Variants in EDIL3 observed in about 807,000 individuals in gnomAD.
EDIL3 encodes EGF-like repeat and discoidin I-like domain-containing protein 3.
A neutral mutation model predicts 67.4 loss-of-function variants in EDIL3; 37 were observed. The observed-to-expected ratio is 0.55, with a 90% CI of 0.42 to 0.72. The LOEUF is 0.72. Ranked by LOEUF, EDIL3 falls within the 30% of genes least tolerant of loss-of-function variation. EDIL3 has a pLI of 0.00. For synonymous variants in EDIL3, 195 were observed against 196.3 expected (o/e 0.99, Z 0.05); for missense variants, 527 against 586.3 (o/e 0.90, Z 1.04).
chr5:84,126,445 G>A (rs1244300217), intron 5 of EDIL3, among the ~76,000 whole-genome samples: 4 of 151,954 alleles, frequency 2.6e-5, no homozygotes, highest in South Asian at 2.1e-4. Context: ...GAAATTGAAG[G>A]CAATCATCAA....
intron 5 of EDIL3, among the ~76,000 whole-genome samples, chr5:84,111,049 G>C (rs897349553): frequency 6.6e-6 from 1 of 152,198 alleles, no homozygotes; most frequent in East Asian, 1.9e-4. Flanking sequence ...ATAATGGTGA[G>C]TTCTCATGAG....
At chr5:84,292,267 G>C (rs1003075002) in intron 1 of EDIL3, among the ~76,000 whole-genome samples, 2 of 151,830 alleles carry the variant, frequency 1.3e-5, no homozygotes, top group Non-Finnish European at 2.9e-5. Flanking sequence ...ACAATAATTG[G>C]AAATATCAAT....
intron 4 of EDIL3, among the ~76,000 whole-genome samples, chr5:84,143,777 A>G (rs1748246022): frequency 6.6e-6 from 1 of 152,056 alleles, no homozygotes; most frequent in African/African-American, 2.4e-5. Context: ...GAGGCCAGTA[A>G]GAACAGATGC....
At chr5:84,242,502 G>A (rs1445754301) in intron 2 of EDIL3, among the ~76,000 whole-genome samples, 1 of 152,084 alleles carries the variant, frequency 6.6e-6, no homozygotes, top group Non-Finnish European at 1.5e-5. Flanking sequence ...ACTGGAATTA[G>A]AAGTATTATT....
At chr5:84,091,542 C>T (rs1335218509) in intron 6 of EDIL3, among the ~76,000 whole-genome samples, 1 of 152,182 alleles carries the variant, frequency 6.6e-6, no homozygotes, top group African/African-American at 2.4e-5. Context: ...AATCAGACCA[C>T]GTGGCTTAGT....
chr5:84,169,967 T>C (rs1339000556), intron 4 of EDIL3, among the ~76,000 whole-genome samples: 2 of 152,186 alleles, frequency 1.3e-5, no homozygotes, highest in Non-Finnish European at 2.9e-5. Flanking sequence ...CATCTTTTTC[T>C]CCATTAATGA....
intron 1 of EDIL3, among the ~76,000 whole-genome samples, chr5:84,299,970 T>C (rs1489080246): frequency 6.6e-6 from 1 of 152,244 alleles, no homozygotes; most frequent in Non-Finnish European, 1.5e-5. Context: ...CCATGTCTAG[T>C]CTGAATTTAC....
At chr5:84,360,511 C>T (rs305647) in intron 1 of EDIL3, among the ~76,000 whole-genome samples, 146,287 of 152,256 alleles carry the variant, frequency 0.96, 70,427 homozygotes, top group African/African-American at 0.99. Context: ...AAAAAGTGAG[C>T]AAACAAATTG....
chr5:84,237,345 G>A (rs944767122), intron 2 of EDIL3, among the ~76,000 whole-genome samples: 3 of 152,174 alleles, frequency 2.0e-5, no homozygotes, highest in East Asian at 3.9e-4. Context: ...CAGAATCATT[G>A]CACATAAAAT....
chr5:84,088,498 T>C (rs1166269427), intron 6 of EDIL3, among the ~76,000 whole-genome samples: 1 of 152,202 alleles, frequency 6.6e-6, no homozygotes, highest in Non-Finnish European at 1.5e-5. Flanking sequence ...AAAAGTAAGA[T>C]AAAAATATTC....
Position 84,359,928 on chromosome 5 carries a change from T to A in EDIL3, c.67+24380A>T, listed in dbSNP as rs370530776. The stretch of plus-strand genomic sequence containing the variant: ...ATGAATAAATTCACTAGAATTCTCA[T>A]GTCTCTTTTCATATCCTTAAAGATT... On this transcript the variant is annotated intron_variant, in intron 1 of 10. Coordinates refer to ENST00000296591, the MANE Select transcript of EDIL3 (RefSeq NM_005711.5). 5.6e-4 allele frequency among the ~76,000 whole-genome samples: 86 copies of A among 152,314 alleles called. 1 individual carries two copies. The South Asian group carries it at 0.018, about 31-fold the overall frequency.
intron 3 of EDIL3, among the ~76,000 whole-genome samples, chr5:84,181,893 A>G (rs572111183): frequency 1.3e-5 from 2 of 152,348 alleles, no homozygotes; most frequent in Admixed American, 6.5e-5. Flanking sequence ...TAAGATGTAC[A>G]TATTAGAAAA....
chr5:84,267,662 T>C (rs1285592705), intron 1 of EDIL3, among the ~76,000 whole-genome samples: 2 of 152,160 alleles, frequency 1.3e-5, no homozygotes, highest in Non-Finnish European at 2.9e-5. Flanking sequence ...CAAAGCAGGT[T>C]CAATATGTAT....
At chr5:84,229,724 A>G in intron 3 of EDIL3, 131 bp downstream of exon 3, 1 of 907,104 alleles carries the variant, frequency 1.1e-6, no homozygotes, top group Non-Finnish European at 1.7e-6. Context: ...CAAATATAAA[A>G]GTAAATAAAT....
chr5:84,028,636 A>G (rs1745861195), intron 9 of EDIL3, among the ~76,000 whole-genome samples: 1 of 152,154 alleles, frequency 6.6e-6, no homozygotes, highest in Admixed American at 6.6e-5. Context: ...TTAAACTTCA[A>G]AAAAAGTCCA....
chr5:84,230,337 T>C (rs1369430048), intron 2 of EDIL3, among the ~76,000 whole-genome samples: 1 of 152,080 alleles, frequency 6.6e-6, no homozygotes, highest in Non-Finnish European at 1.5e-5. Context: ...TCAAAAATTG[T>C]GTTCCATGAG....
intron 1 of EDIL3, among the ~76,000 whole-genome samples, chr5:84,311,890 C>T (rs965952011): frequency 1.3e-5 from 2 of 152,174 alleles, no homozygotes; most frequent in African/African-American, 4.8e-5. Flanking sequence ...GGTCACCCAT[C>T]AACAGGATCA....
chr5:84,358,089 C>G (rs190517520), intron 1 of EDIL3, among the ~76,000 whole-genome samples: 5 of 152,248 alleles, frequency 3.3e-5, no homozygotes, highest in African/African-American at 7.2e-5. Context: ...AAGGAGTCTT[C>G]TGCACATCCA....
At chr5:84,030,090 C>T (rs749681763) in intron 9 of EDIL3, among the ~76,000 whole-genome samples, 5 of 152,118 alleles carry the variant, frequency 3.3e-5, no homozygotes, top group African/African-American at 7.2e-5. Context: ...AGGACTTACT[C>T]GGATTTGAAT....
Sources: allele counts gnomAD v4.1 joint callset (sites outside exome capture counted in the v4.1 genomes callset), GRCh38; gene constraint gnomAD v4.1.1; transcripts MANE v1.5; gene names NCBI Gene and HGNC (gene_info 2026-07-23, HGNC 2026-07-21).